THSD7A: variants seen among roughly 807,000 people sequenced by gnomAD.
THSD7A encodes thrombospondin type-1 domain-containing protein 7A.
Under a neutral mutation model 231.3 loss-of-function variants are expected in THSD7A, and 96 were observed. That is an observed-to-expected ratio of 0.41 (90% confidence interval 0.35 to 0.49). THSD7A has a LOEUF of 0.49. Ranked by LOEUF, THSD7A falls within the 20% of genes least tolerant of loss-of-function variation. THSD7A has a pLI of 0.05. For missense variants in THSD7A, 2,290 were observed against 2,070.2 expected, an observed-to-expected ratio of 1.11 and a Z score of -2.06; for synonymous variants, 940 against 743.3, an observed-to-expected ratio of 1.26 and a Z score of -4.30.
At chr7:11,554,863 T>C (rs1449160775) in intron 4 of THSD7A, among the ~76,000 whole-genome samples, 8 of 151,964 alleles carry the variant, frequency 5.3e-5, no homozygotes, top group African/African-American at 1.9e-4. Context: ...TCTTCCCATG[T>C]AGTCTAAGTT....
Position 11,541,558 on chromosome 7 carries a change from G to C in THSD7A, c.1683C>G (p.His561Gln). 6.2e-7 allele frequency: 1 copy of C among 1,613,956 alleles called. No homozygotes were observed. The highest frequency in any genetic ancestry group is 8.5e-7 in the Non-Finnish European group (1 of 1,179,876). Residue 561 changes from histidine to glutamine, a missense_variant, in exon 6 of 28, where the codon CAC becomes CAG. Physicochemically the swap from His to Gln is conservative, Grantham distance 24 (BLOSUM62 0). Coordinates refer to ENST00000423059, the MANE Select transcript of THSD7A (RefSeq NM_015204.3). ...CTTCACAGGGAATGGCTTCCAGTAA[G>C]TGAGGGCAGTTTCCGGTTACCCCAG... ...GGSGVTGNCPHLLEAIPCEEP... is the reference protein window; with the variant it reads ...GGSGVTGNCPQLLEAIPCEEP...
chr7:11,410,534 T>G (rs1487517198), intron 19 of THSD7A: 1 of 152,210 alleles, frequency 6.6e-6, no homozygotes, highest in Admixed American at 6.5e-5. Context: ...GTTTTTGGTA[T>G]GGAAATTAGA....
chr7:11,750,018 A>T (rs933146141), intron 1 of THSD7A, among the ~76,000 whole-genome samples: 1 of 140,704 alleles, frequency 7.1e-6, no homozygotes, highest in Admixed American at 7.2e-5. Context: ...AGTGGCCAGA[A>T]TTTTTTTTTT....
At chr7:11,469,153 G>C (rs1785832680) in intron 9 of THSD7A, among the ~76,000 whole-genome samples, 1 of 152,126 alleles carries the variant, frequency 6.6e-6, no homozygotes, top group South Asian at 2.1e-4. Context: ...ATCTGTATTT[G>C]TTGAGTAAGA....
intron 4 of THSD7A, among the ~76,000 whole-genome samples, chr7:11,550,680 A>C (rs1789592342): frequency 6.6e-6 from 1 of 152,146 alleles, no homozygotes; most frequent in South Asian, 2.1e-4. Context: ...CATTTCTTTA[A>C]AAATTACCCA....
chr7:11,525,266 T>TTA (rs1788423577), intron 6 of THSD7A, among the ~76,000 whole-genome samples: 2 of 127,786 alleles, frequency 1.6e-5, no homozygotes, highest in South Asian at 4.7e-4. Context: ...GCACTGAAGT[T>TTA]ATTTAAATTC....
intron 17 of THSD7A, 78 bp downstream of exon 17, chr7:11,417,372 C>A (rs554031435): frequency 1.9e-5 from 25 of 1,339,568 alleles, no homozygotes; most frequent in South Asian, 3.2e-5. Flanking sequence ...TTATTATATT[C>A]AAAAAATAAT....
intron 19 of THSD7A, among the ~76,000 whole-genome samples, chr7:11,408,124 A>AT (rs1176179044): frequency 1.3e-5 from 2 of 152,174 alleles, no homozygotes; most frequent in Non-Finnish European, 2.9e-5. Flanking sequence ...TTACTTAAAT[A>AT]TTCTGCTTTA....
At chr7:11,713,716 A>C (rs1004095307) in intron 1 of THSD7A, among the ~76,000 whole-genome samples, 7 of 151,172 alleles carry the variant, frequency 4.6e-5, no homozygotes, top group African/African-American at 1.7e-4. Context: ...TGTAGAGCCC[A>C]TTGTGTCTCA....
Position 11,460,642 on chromosome 7 carries a change from T to G in THSD7A, c.2605+20A>C, listed in dbSNP as rs760362073. The G allele has an allele frequency of 6.9e-6, 11 of 1,582,836 alleles. No individual in the cohort carries two copies. Among genetic ancestry groups the G allele is most frequent in the African/African-American group, 1.3e-5 (1 of 74,242 alleles). ...AACTAGCGATGCTGGAGAAATGAAC[T>G]GTGGAATGGGGCCTCCCACCTCTTG... On this transcript the variant is annotated intron_variant, in intron 11 of 27. Transcript: ENST00000423059.
chr7:11,521,468 T>G (rs1414409568), intron 6 of THSD7A, among the ~76,000 whole-genome samples: 1 of 143,100 alleles, frequency 7.0e-6, no homozygotes, highest in South Asian at 2.1e-4. Flanking sequence ...TTCTTTTTTA[T>G]TTTTTTATTT....
At chr7:11,506,387 T>G (rs911763310) in intron 6 of THSD7A, among the ~76,000 whole-genome samples, 1 of 152,212 alleles carries the variant, frequency 6.6e-6, no homozygotes, top group Non-Finnish European at 1.5e-5. Context: ...TTGCTTTCTG[T>G]GGCCATTATT....
rs765746705 is a variant in THSD7A at position 11,831,814 on chromosome 7, C to T, written c.133G>A (p.Gly45Ser). 8.1e-5 allele frequency: 118 copies of T among 1,450,592 alleles called. No individual in the cohort carries two copies. The highest frequency in any genetic ancestry group is 1.1e-4 in the Non-Finnish European group (116 of 1,097,830). The allele number at this position is 1,450,592 out of a possible 1,614,324, so 89.9% of individuals were successfully genotyped here. The change falls in exon 1 of 28, where the codon GGC becomes AGC. Residue 45 changes from glycine (G) to serine (S), a missense_variant. Coordinates refer to ENST00000423059, the MANE Select transcript of THSD7A (RefSeq NM_015204.3). This position sits in a 1 kb window ranked among gnomAD's most constrained non-coding sequence, Gnocchi z 5.0. The stretch of plus-strand genomic sequence containing the variant: ...GCCTCGCCCTGCGCCGCAGCCCTGC[C>T]GGCGCCCGGGCGTAGCAGCAGCAGC... ...LLLLLLRPGA[G>S]RAAAQGEAEA...
At chr7:11,795,426 T>C (rs1784094885) in intron 1 of THSD7A, among the ~76,000 whole-genome samples, 1 of 152,040 alleles carries the variant, frequency 6.6e-6, no homozygotes, top group Non-Finnish European at 1.5e-5. Context: ...ATCCTATTTG[T>C]AGGAAATCAC....
intron 6 of THSD7A, among the ~76,000 whole-genome samples, chr7:11,512,171 GAC>G (rs1263461268): frequency 2.5e-4 from 38 of 152,066 alleles, no homozygotes; most frequent in Admixed American, 2.0e-3. Context: ...GTAGCCAAAA[GAC>G]ACAGAAAAAA....
intron 23 of THSD7A, among the ~76,000 whole-genome samples, chr7:11,382,841 C>G (rs1338748493): frequency 6.6e-6 from 1 of 151,194 alleles, no homozygotes; most frequent in Non-Finnish European, 1.5e-5. Flanking sequence ...CTGGTGGGAA[C>G]CTAGGTTTTT....
At chr7:11,578,593 T>C (rs1791021164) in intron 4 of THSD7A, among the ~76,000 whole-genome samples, 1 of 152,188 alleles carries the variant, frequency 6.6e-6, no homozygotes, top group Non-Finnish European at 1.5e-5. Context: ...TTGGCATGAA[T>C]AGAATATAAT....
intron 23 of THSD7A, among the ~76,000 whole-genome samples, chr7:11,393,360 G>A (rs1422070371): frequency 1.3e-5 from 2 of 152,204 alleles, no homozygotes; most frequent in Non-Finnish European, 2.9e-5. Flanking sequence ...ACCCCGAACT[G>A]AAGGTAACCA....
chr7:11,786,771 A>AAAAAAAAAAG (rs1477234929), intron 1 of THSD7A, among the ~76,000 whole-genome samples: 4 of 148,254 alleles, frequency 2.7e-5, no homozygotes, highest in African/African-American at 7.5e-5. Context: ...AAAAAAAAAA[A>AAAAAAAAAAG]AAAAAAAAAG....
Sources: gnomAD v4.1 joint callset for allele counts (sites outside exome capture counted in the v4.1 genomes callset) on GRCh38, gnomAD v4.1.1 for gene constraint, Gnocchi (gnomAD v3.1) non-coding constraint, MANE v1.5 for transcripts, NCBI Gene and HGNC (gene_info 2026-07-23, HGNC 2026-07-21) for gene names.